Variants in WNK2 observed in about 807,000 individuals in gnomAD.
WNK2 encodes WNK lysine deficient protein kinase 2.
In WNK2, 67 loss-of-function variants were observed where a neutral mutation model predicts 192.1. The observed-to-expected ratio is 0.35, with a 90% CI of 0.29 to 0.43. The LOEUF (loss-of-function observed/expected upper bound fraction) is 0.43. Among genes scored for constraint, WNK2 ranks in the 20% least tolerant of loss-of-function variants. The pLI, the probability that WNK2 is intolerant of heterozygous loss-of-function variation, is 1.00. For missense variants in WNK2, 2,698 were observed against 3,089.7 expected (o/e 0.87, Z 3.01); for synonymous variants, 1,439 against 1,393.9 (o/e 1.03, Z -0.72).
intron 2 of WNK2, among the ~76,000 whole-genome samples, chr9:93,228,963 C>G (rs763737185): frequency 6.6e-5 from 10 of 151,928 alleles, no homozygotes; most frequent in Admixed American, 4.6e-4. Flanking sequence ...GAATGTGGTG[C>G]CTGGGGTTGG....
At chr9:93,269,121 T>C (rs1216330471) in intron 19 of WNK2, among the ~76,000 whole-genome samples, 1 of 152,026 alleles carries the variant, frequency 6.6e-6, no homozygotes, top group Non-Finnish European at 1.5e-5. Flanking sequence ...CTGGTTCTGC[T>C]TGCTTTGGGG....
At chr9:93,204,273 G>T (rs1459688432) in intron 2 of WNK2, among the ~76,000 whole-genome samples, 3 of 152,326 alleles carry the variant, frequency 2.0e-5, no homozygotes, top group Admixed American at 2.0e-4. Context: ...GACAGCCTGG[G>T]TGCTCAACAT....
intron 1 of WNK2, 64 bp from the exon 2 acceptor site, chr9:93,184,864 C>T (rs1828995228): frequency 1.2e-5 from 14 of 1,180,834 alleles, no homozygotes; most frequent in South Asian, 4.3e-5. Flanking sequence ...TTGTCTCATC[C>T]GGCGGCCTGG....
chr9:93,206,886 T>C (rs1337779500), intron 2 of WNK2, among the ~76,000 whole-genome samples: 1 of 152,168 alleles, frequency 6.6e-6, no homozygotes, highest in African/African-American at 2.4e-5. Flanking sequence ...TACTGAGGGC[T>C]GGACATGGAG....
chr9:93,260,923 A>G (rs956995631), intron 12 of WNK2, among the ~76,000 whole-genome samples: 2 of 152,172 alleles, frequency 1.3e-5, no homozygotes. Flanking sequence ...CTTTCTGGGC[A>G]CAGTTAGTGG....
intron 26 of WNK2, among the ~76,000 whole-genome samples, chr9:93,304,508 G>A (rs896043088): frequency 6.6e-6 from 1 of 152,274 alleles, no homozygotes; most frequent in Non-Finnish European, 1.5e-5. Flanking sequence ...GCTGGGGATG[G>A]AAGCCCCACA....
chr9:93,256,536 A>C, intron 10 of WNK2, 82 bp downstream of exon 10: 1 of 1,389,790 alleles, frequency 7.2e-7, no homozygotes, highest in Non-Finnish European at 9.4e-7. Flanking sequence ...GTCTATGAGC[A>C]CCTCCCACAG....
At chr9:93,300,660 C>T (rs535004852) in intron 26 of WNK2, among the ~76,000 whole-genome samples, 20 of 152,292 alleles carry the variant, frequency 1.3e-4, no homozygotes, top group Non-Finnish European at 2.5e-4. Flanking sequence ...CGAGCCTATA[C>T]GGTTCTAAAG....
In WNK2 at chr9:93,308,443, G is replaced by T. The variant is rs553979656; in HGVS notation, c.6375G>T (p.Leu2125=). Residue 2125 remains leucine, a synonymous_variant, in exon 28 of 30, where the codon CTG becomes CTT. Coordinates refer to ENST00000427277, the MANE Select transcript of WNK2 (RefSeq NM_006648.4). ...NNKKGTFTDD[L]HKLVDEWTSK... is the part of the protein sequence containing the mutation. Reference sequence around the variant, plus strand: ...AGAAGGGTACCTTCACGGACGACCTGCACAAGCTGGTGGACGAGTGGACGA... The same window carrying T: ...AGAAGGGTACCTTCACGGACGACCTTCACAAGCTGGTGGACGAGTGGACGA... The T allele has an allele frequency of 1.2e-6, 2 of 1,609,922 alleles. No individual in the cohort carries two copies. Among genetic ancestry groups the T allele is most frequent in the African/African-American group, 2.7e-5 (2 of 74,978 alleles).
chr9:93,302,374 C>T (rs543404063), intron 26 of WNK2, among the ~76,000 whole-genome samples: 6 of 152,008 alleles, frequency 3.9e-5, no homozygotes, highest in South Asian at 4.2e-4. Flanking sequence ...GGTCGGGGGT[C>T]GCGCTGCAAG....
chr9:93,289,543 G>T lies in WNK2; in HGVS notation c.4789G>T (p.Val1597Phe), dbSNP rs1235966163. Reference protein sequence around the residue: ...PLRGDQPRSEVCGGDLALPPV... With the variant: ...PLRGDQPRSEFCGGDLALPPV... The stretch of plus-strand genomic sequence containing the variant: ...GAGAGGGGACCAGCCCCGCTCAGAG[G>T]TCTGCGGGGGGGACCTGGCCCTGCC... The change falls in exon 20 of 30, where the codon GTC becomes TTC. Residue 1597 changes from valine to phenylalanine, a missense_variant. Coordinates refer to ENST00000427277, the MANE Select transcript of WNK2 (RefSeq NM_006648.4). 6.4e-7 allele frequency: 1 copy of T among 1,574,350 alleles called. No individual in the cohort carries two copies. Among genetic ancestry groups the T allele is most frequent in the Admixed American group, 1.8e-5 (1 of 57,096 alleles).
chr9:93,257,087 C>G lies in WNK2; in HGVS notation c.2330C>G (p.Pro777Arg), dbSNP rs562107985. 6.2e-7 allele frequency: 1 copy of G among 1,608,596 alleles called. No individual in the cohort carries two copies. The highest frequency in any genetic ancestry group is 1.3e-5 in the African/African-American group (1 of 74,680). Residue 777 changes from proline to arginine, a missense_variant, in exon 11 of 30, where the codon CCC (proline) becomes CGC (arginine). By Grantham distance (103) the Pro-to-Arg change is moderately radical. Around this residue, in one of 7 missense-constraint regions of WNK2, gnomAD observed 893 missense variants for 909.0 expected, o/e 0.98. Transcript: ENST00000427277. The surrounding 1 kb of genome is among the most constrained non-coding windows in gnomAD (Gnocchi z 4.7). ...GTGGGGGCCCCCGCTCAGCTGAAGC[C>G]CCTCCAGATGCCACAGGCGCCCCTG... is the stretch of plus-strand genomic sequence containing the variant. ...SQVGAPAQLK[P>R]LQMPQAPLQP...
intron 2 of WNK2, among the ~76,000 whole-genome samples, chr9:93,208,758 TG>T (rs1196874506): frequency 0.061 from 16 of 262 alleles, no homozygotes; most frequent in South Asian, 0.25. Context: ...TGTGTGCGCA[TG>T]TCCTCCGTGT....
intron 7 of WNK2, among the ~76,000 whole-genome samples, chr9:93,246,997 G>C (rs1489884169): frequency 6.6e-6 from 1 of 152,196 alleles, no homozygotes; most frequent in African/African-American, 2.4e-5. Flanking sequence ...TCTTACAAAT[G>C]CTCTCAAGGC....
At chr9:93,317,295 T>A (rs1283246926) in intron 28 of WNK2, 2 of 599,222 alleles carry the variant, frequency 3.3e-6, no homozygotes, top group Non-Finnish European at 3.0e-6. Flanking sequence ...GTGTGTGGCC[T>A]AGAGGCTATC....
chr9:93,316,821 A>AG (rs901197362), intron 28 of WNK2: 33 of 152,836 alleles, frequency 2.2e-4, no homozygotes, highest in African/African-American at 7.9e-4. Flanking sequence ...TGTCGTGGGC[A>AG]GGGGCTCAGC....
At position 93,289,492 on chromosome 9, in the gene WNK2, G is replaced by A. The variant is rs915335546; in HGVS notation, c.4738G>A (p.Asp1580Asn). The change falls in exon 20 of 30, where the codon GAC (aspartate) becomes AAC (asparagine). Residue 1580 changes from aspartate (D) to asparagine (N), a missense_variant. Physicochemically the swap from Asp to Asn is conservative, Grantham distance 23 (BLOSUM62 1). This residue lies in a region of WNK2 where 1,098 missense variants were observed against 1,101.0 expected (regional missense o/e 1.00). Transcript: ENST00000427277. ...ASAGTPVEVG[D>N]RDFTLEPLRG... ...AGCTGGGACCCCTGTGGAGGTGGGC[G>A]ACAGAGACTTCACCCTGGAGCCCCT... 3.1e-6 allele frequency: 5 copies of A among 1,608,474 alleles called. No individual in the cohort carries two copies. The highest frequency in any genetic ancestry group is 2.2e-5 in the East Asian group (1 of 44,716).
Position 93,185,313 on chromosome 9 carries a change from C to G in WNK2, c.384C>G (p.Pro128=). The G allele has an allele frequency of 6.6e-7, 1 of 1,515,076 alleles. No individual in the cohort carries two copies. The highest frequency in any genetic ancestry group is 8.8e-7 in the Non-Finnish European group (1 of 1,135,882). The allele number at this position is 1,515,076 out of a possible 1,614,324, so 93.9% of individuals were successfully genotyped here. A position where few individuals can be genotyped will look rare whatever the true frequency, so the allele number is the denominator to read the frequency against. The part of the protein sequence containing the change: ...PVGTQEPGPD[P]IAAAVETAPA... ...GCACGCAGGAGCCCGGCCCGGACCCCATCGCAGCCGCTGTCGAAACCGCGC... is the reference window on the plus strand; with the variant it reads ...GCACGCAGGAGCCCGGCCCGGACCCGATCGCAGCCGCTGTCGAAACCGCGC... Residue 128 remains proline, a synonymous_variant, in exon 2 of 30, where the codon CCC becomes CCG. Transcript: ENST00000427277.
At chr9:93,240,005 G>C (rs1478368152) in intron 7 of WNK2, 29 bp downstream of exon 7, 1 of 1,593,226 alleles carries the variant, frequency 6.3e-7, no homozygotes, top group Non-Finnish European at 8.6e-7. Context: ...GGGTGAGGTG[G>C]GTGCAGGTGT....
Sources: allele counts gnomAD v4.1 joint callset (sites outside exome capture counted in the v4.1 genomes callset), GRCh38; gene constraint gnomAD v4.1.1; regional missense constraint gnomAD v4.1.1; non-coding constraint Gnocchi (gnomAD v3.1); transcripts MANE v1.5; gene names NCBI Gene and HGNC (gene_info 2026-07-23, HGNC 2026-07-21).